The following CLEC4A variants were observed in gnomAD, a reference collection of about 807,000 sequenced individuals.
CLEC4A encodes the protein C-type lectin domain family 4 member A.
A neutral mutation model predicts 32.7 loss-of-function variants in CLEC4A; 27 were observed. That is an observed-to-expected ratio of 0.83 (90% CI 0.61 to 1.14). The LOEUF is 1.14. Ranked by LOEUF, CLEC4A falls within the 50% of genes most tolerant of loss-of-function variation. The pLI is 0.00. For synonymous variants in CLEC4A, 89 were observed against 93.7 expected, an observed-to-expected ratio of 0.95 and a Z score of 0.29; for missense variants, 253 against 274.6, an observed-to-expected ratio of 0.92 and a Z score of 0.55.
In CLEC4A at chr12:8,129,253, C is replaced by G; in HGVS notation, c.200-11C>G. 2 of 1,520,148 alleles carry G rather than the reference C, an allele frequency of 1.3e-6. No individual in the cohort carries two copies. Among genetic ancestry groups the G allele is most frequent in the South Asian group, 1.2e-5 (1 of 85,484 alleles). 94.2% of individuals were successfully genotyped at this position (1,520,148 alleles called of 1,614,324 possible). A position where few individuals can be genotyped will look rare whatever the true frequency, so the allele number is the denominator to read the frequency against. The stretch of plus-strand genomic sequence containing the variant: ...ACCAGGAAAATAAATGGTCTTTATT[C>G]TCTTTTCCAGTTTTCTTTCAAAAAT... On this transcript the variant is annotated splice_polypyrimidine_tract_variant and intron_variant, in intron 2 of 5. Coordinates refer to ENST00000229332, the MANE Select transcript of CLEC4A (RefSeq NM_016184.4).
the CLEC4A span, among the ~76,000 whole-genome samples, chr12:8,115,953 T>G: frequency 6.6e-6 from 1 of 151,962 alleles, no homozygotes; most frequent in South Asian, 2.1e-4. Context: ...CATGCCTGGC[T>G]AATTTTTAAT....
chr12:8,136,487 C>T (rs1000559858), intron 4 of CLEC4A, among the ~76,000 whole-genome samples: 1 of 150,764 alleles, frequency 6.6e-6, no homozygotes, highest in Non-Finnish European at 1.5e-5. Context: ...ATCGCTTAAG[C>T]CTGGGAGGCA....
chr12:8,125,548 G>T lies in CLEC4A; in HGVS notation c.83-13G>T. ...ACTTATTACTGATAAAACTAATTTG[G>T]CTTCTTCTTCAGCTTCCAAGGAGAG... On this transcript the variant is annotated splice_polypyrimidine_tract_variant and intron_variant, in intron 1 of 5. Coordinates refer to ENST00000229332, the MANE Select transcript of CLEC4A (RefSeq NM_016184.4). 6.7e-7 allele frequency: 1 copy of T among 1,496,908 alleles called. No homozygotes were observed. The highest frequency in any genetic ancestry group is 9.3e-7 in the Non-Finnish European group (1 of 1,072,940). The allele number at this position is 1,496,908 out of a possible 1,614,324, so 92.7% of individuals were successfully genotyped here.
At chr12:8,103,371 C>CTTTTTTTT in the CLEC4A span, among the ~76,000 whole-genome samples, 21 of 49,020 alleles carry the variant, frequency 4.3e-4, 2 homozygotes, top group South Asian at 4.1e-3. Flanking sequence ...TTGTTTCTTT[C>CTTTTTTTT]TGTTGTTTTT....
chr12:8,124,084 G>A, intron 1 of CLEC4A, 124 bp downstream of exon 1: 3 of 682,578 alleles, frequency 4.4e-6, no homozygotes, highest in Non-Finnish European at 7.9e-6. Context: ...GGAAACACAA[G>A]AGTCCCAGAA....
chr12:8,120,523 A>G (rs910429247), upstream of CLEC4A, among the ~76,000 whole-genome samples: 2 of 152,258 alleles, frequency 1.3e-5, no homozygotes, highest in Non-Finnish European at 2.9e-5. Context: ...CAGAGAGTGA[A>G]CGAACAAGTG....
At chr12:8,131,830 A>ATT (rs1262149504) in intron 3 of CLEC4A, among the ~76,000 whole-genome samples, 1 of 150,462 alleles carries the variant, frequency 6.6e-6, no homozygotes, top group East Asian at 2.0e-4. Flanking sequence ...ATATCTATAT[A>ATT]TATATATATC....
the CLEC4A span, among the ~76,000 whole-genome samples, chr12:8,106,714 G>T: frequency 6.6e-6 from 1 of 151,888 alleles, no homozygotes; most frequent in Admixed American, 6.6e-5. Context: ...TTGGATTTTT[G>T]TACACTGATT....
At chr12:8,131,117 A>G (rs571372667) in intron 3 of CLEC4A, among the ~76,000 whole-genome samples, 48 of 152,352 alleles carry the variant, frequency 3.2e-4, no homozygotes, top group African/African-American at 1.1e-3. Context: ...TTTGGGAGGA[A>G]GATCACAGAT....
chr12:8,104,347 C>T, the CLEC4A span, among the ~76,000 whole-genome samples: 9 of 152,246 alleles, frequency 5.9e-5, no homozygotes, highest in African/African-American at 2.2e-4. Flanking sequence ...CCCATTTTTC[C>T]TCTGTATTTA....
intron 1 of CLEC4A, 88 bp from the exon 2 acceptor site, chr12:8,125,473 C>G (rs1268274500): frequency 4.0e-6 from 3 of 742,706 alleles, no homozygotes; most frequent in East Asian, 5.0e-5. Flanking sequence ...GTGTGTCATC[C>G]AAGAAAAGAG....
the CLEC4A span, among the ~76,000 whole-genome samples, chr12:8,117,193 A>G: frequency 6.7e-6 from 1 of 150,374 alleles, no homozygotes; most frequent in Non-Finnish European, 1.5e-5. Flanking sequence ...TCTACTCTAC[A>G]CTTCTTAAAT....
In CLEC4A at chr12:8,132,835, C is replaced by A. The variant is rs144833269; in HGVS notation, c.299-2750C>A. Among the ~76,000 whole-genome samples the A allele has an allele frequency of 1.0e-3, 158 of 151,860 alleles. 1 individual carries two copies. The highest frequency in any genetic ancestry group is 3.5e-3 in the African/African-American group (144 of 41,324). On this transcript the variant is annotated intron_variant, in intron 3 of 5. Transcript: ENST00000229332. Reference sequence around the variant, plus strand: ...TGTTTGGTGTATACACATTTGGGGTCACTTTACAAGGCTCTGTTTATTTTT... The same window carrying A: ...TGTTTGGTGTATACACATTTGGGGTAACTTTACAAGGCTCTGTTTATTTTT...
the CLEC4A span, among the ~76,000 whole-genome samples, chr12:8,105,183 A>T: frequency 7.9e-4 from 121 of 152,258 alleles, no homozygotes; most frequent in African/African-American, 2.8e-3. Context: ...GAACTAATTT[A>T]TGTTCCCACC....
intron 1 of CLEC4A, 80 bp from the exon 2 acceptor site, chr12:8,125,481 G>T (rs934120072): frequency 3.6e-5 from 28 of 776,184 alleles, no homozygotes; most frequent in Non-Finnish European, 6.2e-5. Flanking sequence ...TCCAAGAAAA[G>T]AGAGAGAAAG....
At chr12:8,134,421 T>C (rs1948055812) in intron 3 of CLEC4A, 1 of 1,613,850 alleles carries the variant, frequency 6.2e-7, no homozygotes, top group African/African-American at 1.3e-5. Context: ...CTCGAGTTCT[T>C]TCTGCAGAGC....
At chr12:8,119,280 A>C (rs1317346718), upstream of CLEC4A, among the ~76,000 whole-genome samples, 3 of 152,162 alleles carry the variant, frequency 2.0e-5, no homozygotes, top group Admixed American at 6.5e-5. Flanking sequence ...GCTGGAGTGC[A>C]ATGGTGCGAT....
chr12:8,129,705 C>T (rs1023825153), intron 3 of CLEC4A, among the ~76,000 whole-genome samples: 2 of 152,160 alleles, frequency 1.3e-5, no homozygotes, highest in African/African-American at 2.4e-5. Context: ...GCAGGAGAGT[C>T]GCTTGAACCC....
intron 2 of CLEC4A, among the ~76,000 whole-genome samples, chr12:8,125,880 T>C (rs1001434391): frequency 1.3e-5 from 2 of 152,236 alleles, no homozygotes; most frequent in African/African-American, 4.8e-5. Context: ...TGGAATCCCT[T>C]CTCATTTAGA....
Sources: allele counts gnomAD v4.1 joint callset (sites outside exome capture counted in the v4.1 genomes callset), GRCh38; gene constraint gnomAD v4.1.1; transcripts MANE v1.5; gene names NCBI Gene and HGNC (gene_info 2026-07-23, HGNC 2026-07-21).